CNTNAP2: variants seen among roughly 807,000 people sequenced by gnomAD.
CNTNAP2 encodes contactin associated protein 2.
A neutral mutation model predicts 155.2 loss-of-function variants in CNTNAP2; 98 were observed. That is an observed-to-expected ratio of 0.63 (90% CI 0.54 to 0.75). The LOEUF (loss-of-function observed/expected upper bound fraction) is 0.75, where lower values mean the gene tolerates loss of function less well. CNTNAP2 is among the 30% of genes least tolerant of loss of function. The pLI, the probability that CNTNAP2 is intolerant of heterozygous loss-of-function variation, is 0.00. For missense variants in CNTNAP2, 1,727 were observed against 1,688.1 expected, an observed-to-expected ratio of 1.02 and a Z score of -0.40; for synonymous variants, 651 against 631.2, an observed-to-expected ratio of 1.03 and a Z score of -0.47.
At chr7:147,698,737 C>T (rs914973303) in intron 13 of CNTNAP2, among the ~76,000 whole-genome samples, 1 of 152,038 alleles carries the variant, frequency 6.6e-6, no homozygotes, top group African/African-American at 2.4e-5. Context: ...ATTTTTGTAT[C>T]TTATTTTGCA....
intron 1 of CNTNAP2, among the ~76,000 whole-genome samples, chr7:146,668,432 G>C (rs1162205673): frequency 4.2e-5 from 2 of 48,096 alleles, no homozygotes; most frequent in African/African-American, 5.1e-5. Flanking sequence ...ATTTTCCTGT[G>C]TGTGTGTGTG....
At chr7:147,969,510 G>A (rs10452890) in intron 14 of CNTNAP2, among the ~76,000 whole-genome samples, 15,432 of 152,102 alleles carry the variant, frequency 0.1, 1,018 homozygotes, top group African/African-American at 0.19. Flanking sequence ...CCAAAACAAT[G>A]GCCTCCCATA....
At chr7:147,900,772 G>C (rs2538968) in intron 13 of CNTNAP2, among the ~76,000 whole-genome samples, 45,993 of 151,902 alleles carry the variant, frequency 0.3, 7,104 homozygotes, top group Middle Eastern at 0.43. Flanking sequence ...GCCTGCCACT[G>C]TGGCCAGCTA....
chr7:148,104,381 T>C (rs1037359501), intron 15 of CNTNAP2, among the ~76,000 whole-genome samples: 5 of 152,218 alleles, frequency 3.3e-5, no homozygotes, highest in Admixed American at 6.5e-5. Context: ...GTGGCTTTTT[T>C]CCACATTTTA....
At chr7:147,919,285 GT>G (rs1306710753) in intron 14 of CNTNAP2, among the ~76,000 whole-genome samples, 3 of 151,292 alleles carry the variant, frequency 2.0e-5, no homozygotes, top group Non-Finnish European at 4.4e-5. Context: ...TGTTTGTCAG[GT>G]TTTGTTTTTG....
intron 3 of CNTNAP2, among the ~76,000 whole-genome samples, chr7:146,929,321 G>GA (rs1170323469): frequency 2.6e-4 from 39 of 152,290 alleles, no homozygotes; most frequent in African/African-American, 8.9e-4. Context: ...TGATACCCAG[G>GA]CAAACAGGGT....
intron 21 of CNTNAP2, among the ~76,000 whole-genome samples, chr7:148,362,164 G>C (rs978751958): frequency 6.6e-6 from 1 of 151,424 alleles, no homozygotes; most frequent in African/African-American, 2.4e-5. Flanking sequence ...AGCTAAGATT[G>C]ACTCTAGCCT....
chr7:147,314,727 C>T (rs1795195124), intron 9 of CNTNAP2, among the ~76,000 whole-genome samples: 1 of 150,778 alleles, frequency 6.6e-6, no homozygotes. Context: ...TCAAGGATTC[C>T]ATATGTATAC....
intron 13 of CNTNAP2, among the ~76,000 whole-genome samples, chr7:147,729,454 G>C (rs551316853): frequency 6.7e-6 from 1 of 149,918 alleles, no homozygotes; most frequent in East Asian, 2.0e-4. Context: ...ACACAGAGTT[G>C]TGAAACTACT....
intron 1 of CNTNAP2, among the ~76,000 whole-genome samples, chr7:146,258,084 G>T (rs71530731): frequency 6.6e-6 from 1 of 151,954 alleles, no homozygotes; most frequent in Non-Finnish European, 1.5e-5. Context: ...TAGAGACAGG[G>T]TTTCACTATG....
chr7:146,745,077 G>A (rs1431147381), intron 1 of CNTNAP2, among the ~76,000 whole-genome samples: 1 of 152,108 alleles, frequency 6.6e-6, no homozygotes, highest in East Asian at 1.9e-4. Context: ...GAGTAACTGA[G>A]GATAATTCTT....
intron 14 of CNTNAP2, among the ~76,000 whole-genome samples, chr7:147,920,759 C>G (rs1800261047): frequency 6.6e-6 from 1 of 150,384 alleles, no homozygotes. Flanking sequence ...TGTGTCTTCA[C>G]AATCCCTACA....
At chr7:146,311,251 C>T (rs2129090682) in intron 1 of CNTNAP2, among the ~76,000 whole-genome samples, 1 of 152,158 alleles carries the variant, frequency 6.6e-6, no homozygotes, top group South Asian at 2.1e-4. Context: ...TTTAGTTGGA[C>T]AAATGAAGAC....
chr7:148,395,302 G>A (rs1799445208), intron 22 of CNTNAP2, among the ~76,000 whole-genome samples: 1 of 151,042 alleles, frequency 6.6e-6, no homozygotes, highest in Non-Finnish European at 1.5e-5. Flanking sequence ...TTTCCTTCTT[G>A]GTGGGGTGTG....
At chr7:146,123,982 G>A (rs1449849224) in intron 1 of CNTNAP2, among the ~76,000 whole-genome samples, 1 of 152,114 alleles carries the variant, frequency 6.6e-6, no homozygotes, top group Non-Finnish European at 1.5e-5. Flanking sequence ...ATCGTTGTCA[G>A]CAAACTAACA....
At chr7:146,505,849 C>T (rs1165781798) in intron 1 of CNTNAP2, among the ~76,000 whole-genome samples, 1 of 152,188 alleles carries the variant, frequency 6.6e-6, no homozygotes, top group Non-Finnish European at 1.5e-5. Context: ...AGTGCCTCTA[C>T]TGGGGCCTGG....
In CNTNAP2 at chr7:147,884,277, C is replaced by A. The variant is rs576633344; in HGVS notation, c.2099-19288C>A. On this transcript the variant is annotated intron_variant, in intron 13 of 23. Transcript: ENST00000361727. ...AGTGATAAATAAGGAATTCATTCTT[C>A]ACAGAAAATGGGGCGATGCATCCAG... is the stretch of plus-strand genomic sequence containing the variant. Among the ~76,000 whole-genome samples the A allele has an allele frequency of 3.9e-5, 6 of 152,202 alleles. No homozygotes were observed. In the East Asian group the frequency reaches 1.2e-3, roughly 29 times the overall value.
chr7:147,920,375 A>AAAAAAAT (rs1800252077), intron 14 of CNTNAP2, among the ~76,000 whole-genome samples: 1 of 148,954 alleles, frequency 6.7e-6, no homozygotes, highest in Admixed American at 6.7e-5. Context: ...AAAAAAAAAA[A>AAAAAAAT]AGCATGTCTC....
chr7:146,752,017 G>C (rs1298376715), intron 1 of CNTNAP2, among the ~76,000 whole-genome samples: 1 of 152,060 alleles, frequency 6.6e-6, no homozygotes. Flanking sequence ...TCTTTATGCA[G>C]TCTATCGTTG....
Sources: gnomAD v4.1 joint callset for allele counts (sites outside exome capture counted in the v4.1 genomes callset) on GRCh38, gnomAD v4.1.1 for gene constraint, MANE v1.5 for transcripts, NCBI Gene and HGNC (gene_info 2026-07-23, HGNC 2026-07-21) for gene names.